Variants in SUSD5 observed in about 807,000 individuals in gnomAD.
SUSD5 encodes sushi domain-containing protein 5.
Under a neutral mutation model 29.5 loss-of-function variants are expected in SUSD5, and 33 were observed. The ratio of observed to expected loss-of-function variants is 1.12; its 90% CI spans 0.85 to 1.49. The LOEUF is 1.49. Ranked by LOEUF, SUSD5 falls within the 40% of genes most tolerant of loss-of-function variation. SUSD5 has a pLI of 0.00. For missense variants in SUSD5, 776 were observed against 800.6 expected (o/e 0.97, Z 0.37); for synonymous variants, 308 against 325.3 (o/e 0.95, Z 0.57).
At chr3:33,213,848 A>G (rs532627925) in intron 2 of SUSD5, 80 bp downstream of exon 2, 23 of 1,449,018 alleles carry the variant, frequency 1.6e-5, no homozygotes, top group Non-Finnish European at 2.1e-5. Flanking sequence ...TGGTACCTCA[A>G]CAGAACAATT....
chr3:33,186,680 C>T (rs2031786557), intron 3 of SUSD5, among the ~76,000 whole-genome samples: 1 of 152,164 alleles, frequency 6.6e-6, no homozygotes, highest in African/African-American at 2.4e-5. Context: ...CCGCCTCGGC[C>T]TCCCAAAGTC....
intron 3 of SUSD5, among the ~76,000 whole-genome samples, chr3:33,203,322 A>C (rs1333026695): frequency 6.8e-6 from 1 of 147,240 alleles, no homozygotes; most frequent in East Asian, 2.1e-4. Flanking sequence ...TTTTCTGTTA[A>C]GCCCCAGGAG....
At chr3:33,215,606 T>C (rs2032415886) in intron 1 of SUSD5, among the ~76,000 whole-genome samples, 1 of 152,214 alleles carries the variant, frequency 6.6e-6, no homozygotes, top group Non-Finnish European at 1.5e-5. Context: ...AGGTTTAGTA[T>C]TAATGCTTGT....
chr3:33,162,895 C>T (rs1575528718), intron 4 of SUSD5, among the ~76,000 whole-genome samples: 1 of 118,776 alleles, frequency 8.4e-6, no homozygotes, highest in African/African-American at 3.2e-5. Context: ...CCAGCCTGGG[C>T]AACGAGAGCA....
In SUSD5 at chr3:33,210,370, T is replaced by C. The variant is rs565736549; in HGVS notation, c.291-2444A>G. Among the ~76,000 whole-genome samples, 3 of 152,332 alleles carry C rather than the reference T, an allele frequency of 2.0e-5. No individual in the cohort carries two copies. In the East Asian group the frequency reaches 5.8e-4, roughly 29 times the overall value. On this transcript the variant is annotated intron_variant, in intron 2 of 4. Coordinates refer to ENST00000309558, the MANE Select transcript of SUSD5 (RefSeq NM_015551.2). ...CCCAACCCAAAGCAAAACGGCTCAC[T>C]GGGTCCCCTCCTACACAGAAGGTGA...
chr3:33,191,852 G>A (rs912120091), intron 3 of SUSD5, among the ~76,000 whole-genome samples: 9 of 152,144 alleles, frequency 5.9e-5, no homozygotes, highest in Non-Finnish European at 1.0e-4. Context: ...AGCTGAGGTG[G>A]GAGGATCTGT....
intron 3 of SUSD5, among the ~76,000 whole-genome samples, chr3:33,202,035 T>TCTAC (rs2032129135): frequency 7.3e-6 from 1 of 137,912 alleles, no homozygotes; most frequent in South Asian, 2.1e-4. Flanking sequence ...TATCTATCTA[T>TCTAC]CTATCTATCT....
chr3:33,163,326 C>T (rs9817318), intron 4 of SUSD5, among the ~76,000 whole-genome samples: 1,824 of 151,866 alleles, frequency 0.012, 46 homozygotes, highest in African/African-American at 0.042. Context: ...AAGTTAATGT[C>T]GGTAAGCTGG....
At position 33,151,507 on chromosome 3, in the gene SUSD5, C is replaced by T. The variant is rs1231106944; in HGVS notation, c.*1235G>A. 2 of 152,094 alleles carry T rather than the reference C, an allele frequency of 1.3e-5. No homozygotes were observed. Among genetic ancestry groups the T allele is most frequent in the Non-Finnish European group, 2.9e-5 (2 of 68,012 alleles). 9.4% of individuals were successfully genotyped at this position (152,094 alleles called of 1,614,324 possible). ...TTCTGCTTCTCCATCAAGTATGTGCCCATACTTGATAACCTGGTGTTCGGC... is the reference window on the plus strand; with the variant it reads ...TTCTGCTTCTCCATCAAGTATGTGCTCATACTTGATAACCTGGTGTTCGGC... On this transcript the variant is annotated 3_prime_UTR_variant, in exon 5 of 5. Transcript: ENST00000309558.
chr3:33,196,546 C>CA (rs1464664453), intron 3 of SUSD5, among the ~76,000 whole-genome samples: 7 of 151,822 alleles, frequency 4.6e-5, no homozygotes, highest in South Asian at 2.1e-4. Context: ...TTTGTTTTAA[C>CA]AAAAAAGAAC....
At chr3:33,162,925 A>AAAG (rs2125616023) in intron 4 of SUSD5, among the ~76,000 whole-genome samples, 1 of 151,958 alleles carries the variant, frequency 6.6e-6, no homozygotes, top group East Asian at 1.9e-4. Flanking sequence ...CTCAAAAAAA[A>AAAG]AAAAAAAATT....
intron 4 of SUSD5, 31 bp downstream of exon 4, chr3:33,174,855 C>A (rs772964497): frequency 1.2e-6 from 2 of 1,609,742 alleles, no homozygotes; most frequent in Non-Finnish European, 1.7e-6. Context: ...TGCGTGGGCA[C>A]GCGAAGGTGG....
intron 3 of SUSD5, among the ~76,000 whole-genome samples, chr3:33,175,884 A>G (rs2031543063): frequency 6.6e-6 from 1 of 152,128 alleles, no homozygotes; most frequent in South Asian, 2.1e-4. Flanking sequence ...AGGTTACCAT[A>G]ATTTACTCAG....
rs757097275 is a variant in SUSD5, at chr3:33,153,144, C to T, written c.1488G>A (p.Glu496=). 1.6e-5 allele frequency: 26 copies of T among 1,613,744 alleles called. No homozygotes were observed. Among genetic ancestry groups the T allele is most frequent in the Non-Finnish European group, 2.2e-5 (26 of 1,179,854 alleles). ...LSYELTSSTL[E]ILTVNTVKQT... ...GCTTGACAGTGTTCACTGTTAATATCTCCAGGGTGGAGCTGGTGAGCTCAT... is the reference window on the plus strand; with the variant it reads ...GCTTGACAGTGTTCACTGTTAATATTTCCAGGGTGGAGCTGGTGAGCTCAT... The change falls in exon 5 of 5, where the codon GAG becomes GAA. Residue 496 remains glutamate (E), a synonymous_variant. Coordinates refer to ENST00000309558, the MANE Select transcript of SUSD5 (RefSeq NM_015551.2).
intron 3 of SUSD5, among the ~76,000 whole-genome samples, chr3:33,178,664 T>C (rs2031605210): frequency 6.6e-6 from 1 of 152,160 alleles, no homozygotes; most frequent in Admixed American, 6.5e-5. Flanking sequence ...GCCAGGATGG[T>C]CTCAATCTCG....
chr3:33,152,559 T>C lies in SUSD5; in HGVS notation c.*183A>G. ...GAGGAGACATTGACATGAGTGATGA[T>C]GTCACCAAAGCCTCCCTGCCCTCCC... On this transcript the variant is annotated 3_prime_UTR_variant, in exon 5 of 5. Coordinates refer to ENST00000309558, the MANE Select transcript of SUSD5 (RefSeq NM_015551.2). 1 of 621,286 alleles carries C rather than the reference T, an allele frequency of 1.6e-6. No individual in the cohort carries two copies. The highest frequency in any genetic ancestry group is 2.8e-6 in the Non-Finnish European group (1 of 359,692). 38.5% of individuals were successfully genotyped at this position (621,286 alleles called of 1,614,324 possible).
intron 3 of SUSD5, among the ~76,000 whole-genome samples, chr3:33,200,683 C>T (rs1431631268): frequency 1.3e-5 from 2 of 152,180 alleles, no homozygotes; most frequent in African/African-American, 2.4e-5. Flanking sequence ...ACCTAAACAA[C>T]TCTGGACAGA....
chr3:33,178,669 A>G (rs535249487), intron 3 of SUSD5, among the ~76,000 whole-genome samples: 6 of 152,216 alleles, frequency 3.9e-5, no homozygotes, highest in Admixed American at 2.0e-4. Flanking sequence ...GATGGTCTCA[A>G]TCTCGTGACC....
At chr3:33,203,503 G>A (rs1489557058) in intron 3 of SUSD5, among the ~76,000 whole-genome samples, 3 of 152,230 alleles carry the variant, frequency 2.0e-5, no homozygotes, top group Admixed American at 2.0e-4. Flanking sequence ...GCTGCTCTGG[G>A]ACGCAGGGCC....
Sources: allele counts gnomAD v4.1 joint callset (sites outside exome capture counted in the v4.1 genomes callset), GRCh38; gene constraint gnomAD v4.1.1; transcripts MANE v1.5; gene names NCBI Gene and HGNC (gene_info 2026-07-23, HGNC 2026-07-21).